CMIP: variants seen among roughly 807,000 people sequenced by gnomAD.
The protein encoded by CMIP is c-Maf inducing protein, also known as C-Maf-inducing protein.
A neutral mutation model predicts 97.3 loss-of-function variants in CMIP; 13 were observed. That is an observed-to-expected ratio of 0.13 (90% CI 0.09 to 0.21). The LOEUF is 0.21. CMIP is among the 10% of genes least tolerant of loss of function. The probability of loss-of-function intolerance (pLI) is 1.00; values close to 1 mark genes in which losing one functional copy is unlikely to be tolerated. For missense variants in CMIP, 847 were observed against 1,024.9 expected, an observed-to-expected ratio of 0.83 and a Z score of 2.37; for synonymous variants, 538 against 436.3, an observed-to-expected ratio of 1.23 and a Z score of -2.91.
intron 13 of CMIP, among the ~76,000 whole-genome samples, chr16:81,695,139 G>A (rs763398645): frequency 1.3e-5 from 2 of 152,134 alleles, no homozygotes; most frequent in Admixed American, 6.6e-5. Flanking sequence ...GTGACCTGCC[G>A]GTCTGGAAGG....
chr16:81,610,356 C>T (rs192310027), intron 2 of CMIP: 9 of 985,546 alleles, frequency 9.1e-6, no homozygotes, highest in Non-Finnish European at 1.1e-5. Flanking sequence ...GCTCCAGCAT[C>T]CCACTTGCTC....
intron 1 of CMIP, among the ~76,000 whole-genome samples, chr16:81,594,259 A>G (rs2150923321): frequency 6.6e-6 from 1 of 150,924 alleles, no homozygotes; most frequent in East Asian, 2.0e-4. Flanking sequence ...CTGGGACTAC[A>G]GGCACCCACC....
intron 1 of CMIP, among the ~76,000 whole-genome samples, chr16:81,480,267 TG>T (rs1050842230): frequency 6.6e-6 from 1 of 152,120 alleles, no homozygotes; most frequent in Non-Finnish European, 1.5e-5. Flanking sequence ...AGGCCAGGCG[TG>T]GTGGCTCACG....
At chr16:81,653,779 A>G (rs1343620159) in intron 4 of CMIP, among the ~76,000 whole-genome samples, 1 of 152,164 alleles carries the variant, frequency 6.6e-6, no homozygotes, top group Non-Finnish European at 1.5e-5. Flanking sequence ...TGCCCAGCTA[A>G]TTTTTGTATT....
chr16:81,620,853 C>A, intron 2 of CMIP, 23 bp from the exon 3 acceptor site: 2 of 1,613,834 alleles, frequency 1.2e-6, no homozygotes, highest in Non-Finnish European at 1.7e-6. Context: ...CCGGACCTTG[C>A]TGTCCTGTTC....
intron 3 of CMIP, among the ~76,000 whole-genome samples, chr16:81,626,755 G>C (rs1267715601): frequency 1.4e-5 from 2 of 147,088 alleles, no homozygotes; most frequent in Non-Finnish European, 3.0e-5. Context: ...GTGTGGGTGT[G>C]TGTGTGGTGT....
chr16:81,459,030 C>A (rs1433441256), intron 1 of CMIP, among the ~76,000 whole-genome samples: 1 of 124,930 alleles, frequency 8.0e-6, no homozygotes, highest in Non-Finnish European at 1.9e-5. Flanking sequence ...ATCACTGTCA[C>A]CATCACCATC....
At chr16:81,639,036 G>A (rs1035091961) in intron 3 of CMIP, among the ~76,000 whole-genome samples, 5 of 152,172 alleles carry the variant, frequency 3.3e-5, no homozygotes, top group Admixed American at 3.3e-4. Flanking sequence ...CCGAGGGAGA[G>A]TCCAGGATTG....
chr16:81,447,855 G>C (rs1282727351), intron 1 of CMIP, among the ~76,000 whole-genome samples: 1 of 152,172 alleles, frequency 6.6e-6, no homozygotes, highest in African/African-American at 2.4e-5. Flanking sequence ...CTGGCCTCCC[G>C]GGTAGAGGTG....
intron 5 of CMIP, among the ~76,000 whole-genome samples, chr16:81,660,193 G>T (rs900854980): frequency 2.0e-5 from 3 of 152,114 alleles, no homozygotes; most frequent in Non-Finnish European, 4.4e-5. Context: ...ATCGAGTTCA[G>T]ACCCAGACCC....
intron 1 of CMIP, among the ~76,000 whole-genome samples, chr16:81,569,453 G>T (rs550231650): frequency 9.8e-5 from 15 of 152,298 alleles, no homozygotes; most frequent in African/African-American, 3.6e-4. Flanking sequence ...CTCCCAGAGG[G>T]ACATGGCACT....
chr16:81,502,413 T>A (rs761491651), intron 1 of CMIP, among the ~76,000 whole-genome samples: 2 of 152,204 alleles, frequency 1.3e-5, no homozygotes, highest in Admixed American at 6.5e-5. Context: ...ACTGCCTCCA[T>A]GTGAGCAATG....
chr16:81,536,294 A>T, intron 1 of CMIP, among the ~76,000 whole-genome samples: 1 of 152,132 alleles, frequency 6.6e-6, no homozygotes, highest in East Asian at 1.9e-4. Flanking sequence ...TGCTGTGGCA[A>T]TTGGAAGTCT....
intron 1 of CMIP, among the ~76,000 whole-genome samples, chr16:81,576,858 G>T (rs1338082623): frequency 6.6e-6 from 1 of 152,216 alleles, no homozygotes; most frequent in East Asian, 1.9e-4. Context: ...GTCAGAGCAG[G>T]TATTAAATTT....
chr16:81,471,160 C>T (rs1024120263), intron 1 of CMIP, among the ~76,000 whole-genome samples: 4 of 152,314 alleles, frequency 2.6e-5, no homozygotes, highest in East Asian at 1.9e-4. Context: ...TACATATACA[C>T]GTATACACAT....
chr16:81,488,758 C>T (rs1487361015), intron 1 of CMIP, among the ~76,000 whole-genome samples: 3 of 152,158 alleles, frequency 2.0e-5, no homozygotes, highest in Non-Finnish European at 4.4e-5. Context: ...GGGAACTCTC[C>T]CCACAGCTCC....
At chr16:81,704,925 G>T (rs957825841) in intron 18 of CMIP, among the ~76,000 whole-genome samples, 1 of 151,938 alleles carries the variant, frequency 6.6e-6, no homozygotes, top group African/African-American at 2.4e-5. Flanking sequence ...TGAGACGTGA[G>T]CCAGGCTTCG....
chr16:81,647,053 C>T (rs1427007990), intron 3 of CMIP, among the ~76,000 whole-genome samples: 1 of 152,200 alleles, frequency 6.6e-6, no homozygotes, highest in Non-Finnish European at 1.5e-5. Context: ...GGTGGCTGTA[C>T]CAGTTTACCT....
intron 1 of CMIP, among the ~76,000 whole-genome samples, chr16:81,601,783 C>T (rs2091662091): frequency 1.3e-5 from 2 of 152,158 alleles, no homozygotes; most frequent in Admixed American, 1.3e-4. Context: ...GCCGCATCTC[C>T]AATACCCTCT....
Sources: allele counts gnomAD v4.1 joint callset (sites outside exome capture counted in the v4.1 genomes callset), GRCh38; gene constraint gnomAD v4.1.1; transcripts MANE v1.5; gene names NCBI Gene and HGNC (gene_info 2026-07-23, HGNC 2026-07-21).